Variants in STK33 observed in about 807,000 individuals in gnomAD.
STK33 encodes the protein serine/threonine-protein kinase 33.
In STK33, 52 loss-of-function variants were observed where a neutral mutation model predicts 58.0. That is an observed-to-expected ratio of 0.90 (90% CI 0.72 to 1.13). The LOEUF (loss-of-function observed/expected upper bound fraction) is 1.13, where lower values mean the gene tolerates loss of function less well. Ranked by LOEUF, STK33 falls within the 50% of genes most tolerant of loss-of-function variation. The pLI, the probability that STK33 is intolerant of heterozygous loss-of-function variation, is 0.00. For synonymous variants in STK33, 215 were observed against 200.1 expected (o/e 1.07, Z -0.63); for missense variants, 630 against 604.2 (o/e 1.04, Z -0.45).
chr11:8,546,169 A>C (rs1048175200), intron 1 of STK33, among the ~76,000 whole-genome samples: 2 of 152,210 alleles, frequency 1.3e-5, no homozygotes, highest in Non-Finnish European at 1.5e-5. Context: ...ACAGTGAGTC[A>C]GTAGTGAGTG....
chr11:8,413,917 G>C (rs1590861763), intron 14 of STK33, among the ~76,000 whole-genome samples: 3 of 152,096 alleles, frequency 2.0e-5, no homozygotes, highest in African/African-American at 7.2e-5. Flanking sequence ...CAAGTTAACA[G>C]GGGAAATATT....
At chr11:8,443,152 A>G (rs1944982482) in intron 11 of STK33, among the ~76,000 whole-genome samples, 1 of 152,222 alleles carries the variant, frequency 6.6e-6, no homozygotes, top group Non-Finnish European at 1.5e-5. Flanking sequence ...CAATGTGTCA[A>G]AGACCTTTCT....
Position 8,454,775 on chromosome 11 carries a change from T to C in STK33, c.755A>G (p.Asp252Gly), listed in dbSNP as rs1199987632. ...ENIMVKSSLI[D>G]DNNEINLNIK... ...GTTTAAGTTTATTTCATTGTTATCA[T>C]CAATAAGACTGCTTTTAACCATTAT... The change falls in exon 10 of 16, where the codon GAT becomes GGT. Residue 252 changes from aspartate (D) to glycine (G), a missense_variant. Physicochemically the swap from Asp to Gly is moderately conservative, Grantham distance 94. Coordinates refer to ENST00000687296, the MANE Select transcript of STK33 (RefSeq NM_001352389.2). 2 of 1,577,716 alleles carry C rather than the reference T, an allele frequency of 1.3e-6. No homozygotes were observed. The highest frequency in any genetic ancestry group is 2.7e-5 in the African/African-American group (2 of 73,680).
chr11:8,484,875 A>ATT (rs1950093286), intron 1 of STK33, among the ~76,000 whole-genome samples: 1 of 152,198 alleles, frequency 6.6e-6, no homozygotes, highest in South Asian at 2.1e-4. Flanking sequence ...AAAAGGCAAT[A>ATT]AGCCTTAGGC....
At chr11:8,482,214 G>A (rs1485166481) in intron 1 of STK33, among the ~76,000 whole-genome samples, 2 of 152,214 alleles carry the variant, frequency 1.3e-5, no homozygotes, top group Admixed American at 6.5e-5. Flanking sequence ...GAATAAATGT[G>A]CCATGGCTGT....
chr11:8,460,875 TTTAA>T (rs1947437320), intron 8 of STK33, among the ~76,000 whole-genome samples: 2 of 152,214 alleles, frequency 1.3e-5, no homozygotes, highest in African/African-American at 2.4e-5. Flanking sequence ...AACTGTGGTC[TTTAA>T]TTGTTATCAA....
At chr11:8,572,499 C>T (rs1244416690) in intron 1 of STK33, among the ~76,000 whole-genome samples, 1 of 151,978 alleles carries the variant, frequency 6.6e-6, no homozygotes, top group Non-Finnish European at 1.5e-5. Context: ...AACTAGCAGA[C>T]AAGAATCATA....
At chr11:8,448,205 G>A (rs1052412161) in intron 11 of STK33, among the ~76,000 whole-genome samples, 2 of 152,088 alleles carry the variant, frequency 1.3e-5, no homozygotes, top group East Asian at 1.9e-4. Flanking sequence ...TGGCCATACT[G>A]TCCAAGGTAA....
At chr11:8,550,812 C>T (rs570504423) in intron 1 of STK33, among the ~76,000 whole-genome samples, 6 of 152,308 alleles carry the variant, frequency 3.9e-5, no homozygotes, top group African/African-American at 1.4e-4. Flanking sequence ...TCCAAACTTT[C>T]CCACATTTCC....
At chr11:8,398,368 A>C (rs1173213208) in intron 15 of STK33, among the ~76,000 whole-genome samples, 1 of 152,226 alleles carries the variant, frequency 6.6e-6, no homozygotes, top group Admixed American at 6.5e-5. Context: ...ACTAAGTTTC[A>C]TAAGTGAAAG....
At chr11:8,400,265 T>C (rs919188989) in intron 15 of STK33, among the ~76,000 whole-genome samples, 1 of 152,192 alleles carries the variant, frequency 6.6e-6, no homozygotes, top group Non-Finnish European at 1.5e-5. Flanking sequence ...AAAAAGCTTA[T>C]CCACCATGAT....
intron 1 of STK33, among the ~76,000 whole-genome samples, chr11:8,522,468 C>T (rs199499533): frequency 8.1e-6 from 1 of 123,266 alleles, no homozygotes; most frequent in African/African-American, 2.9e-5. Flanking sequence ...ACACTGGGGC[C>T]AAAAAAAAAA....
chr11:8,582,729 C>T (rs527562700), intron 1 of STK33, among the ~76,000 whole-genome samples: 141 of 152,296 alleles, frequency 9.3e-4, no homozygotes, highest in African/African-American at 3.2e-3. Context: ...TATATATGTA[C>T]ATGGTATATA....
chr11:8,474,918 G>T lies in STK33; in HGVS notation c.-13C>A. ...CACTATCAGCCATTTGTTTAACTCT[G>T]CAACAAAAGCAACTTTAAAAATGTT... On this transcript the variant is annotated 5_prime_UTR_variant, in exon 5 of 16. Coordinates refer to ENST00000687296, the MANE Select transcript of STK33 (RefSeq NM_001352389.2). 1.3e-6 allele frequency: 2 copies of T among 1,548,840 alleles called. No individual in the cohort carries two copies. Among genetic ancestry groups the T allele is most frequent in the Non-Finnish European group, 8.7e-7 (1 of 1,149,750 alleles).
chr11:8,462,470 CACATAT>C (rs1258873034), intron 7 of STK33, among the ~76,000 whole-genome samples: 110 of 143,432 alleles, frequency 7.7e-4, no homozygotes, highest in African/African-American at 2.7e-3. Context: ...CACACACACA[CACATAT>C]ATATATATAT....
intron 7 of STK33, 135 bp downstream of exon 7, chr11:8,464,574 G>A (rs1051433110): frequency 1.5e-5 from 7 of 482,008 alleles, no homozygotes; most frequent in African/African-American, 5.9e-5. Context: ...GAAATGCCAC[G>A]CTTCTCTGGG....
At chr11:8,528,047 A>G (rs1263759317) in intron 1 of STK33, among the ~76,000 whole-genome samples, 1 of 152,176 alleles carries the variant, frequency 6.6e-6, no homozygotes, top group East Asian at 1.9e-4. Context: ...TATAATATGC[A>G]TTGGGTAGTG....
chr11:8,569,305 C>G lies in STK33; in HGVS notation c.-466+24778G>C, dbSNP rs886410578. ...GGTATTGGTATAAGAATAGACAAAT[C>G]AATGAAAACAGAAGTCAACTGATTT... On this transcript the variant is annotated intron_variant, in intron 1 of 15. Transcript: ENST00000687296. Among the ~76,000 whole-genome samples, 3 of 152,104 alleles carry G rather than the reference C, an allele frequency of 2.0e-5. No individual in the cohort carries two copies. The East Asian group carries it at 5.8e-4, about 29-fold the overall frequency.
At chr11:8,414,972 G>A (rs1478779631) in intron 14 of STK33, among the ~76,000 whole-genome samples, 1 of 152,058 alleles carries the variant, frequency 6.6e-6, no homozygotes, top group Non-Finnish European at 1.5e-5. Flanking sequence ...CTCAGTGACA[G>A]TAACCATTAA....
Sources: allele counts gnomAD v4.1 joint callset (sites outside exome capture counted in the v4.1 genomes callset), GRCh38; gene constraint gnomAD v4.1.1; transcripts MANE v1.5; gene names NCBI Gene and HGNC (gene_info 2026-07-23, HGNC 2026-07-21).